Variants in CCDC81 observed in about 807,000 individuals in gnomAD.
The protein encoded by CCDC81 is coiled-coil domain containing 81.
A neutral mutation model predicts 83.7 loss-of-function variants in CCDC81; 79 were observed. That is an observed-to-expected ratio of 0.94 (90% CI 0.79 to 1.14). The LOEUF (loss-of-function observed/expected upper bound fraction) is 1.14. Ranked by LOEUF, CCDC81 falls within the 50% of genes most tolerant of loss-of-function variation. The probability of loss-of-function intolerance (pLI) is 0.00; values close to 1 mark genes in which losing one functional copy is unlikely to be tolerated. For synonymous variants in CCDC81, 252 were observed against 278.1 expected (o/e 0.91, Z 0.93); for missense variants, 791 against 778.1 (o/e 1.02, Z -0.20).
At chr11:86,416,798 A>T (rs1048480582) in intron 13 of CCDC81, among the ~76,000 whole-genome samples, 1 of 152,166 alleles carries the variant, frequency 6.6e-6, no homozygotes, top group Non-Finnish European at 1.5e-5. Flanking sequence ...ATGTGATCTC[A>T]GATTGTCTTG....
chr11:86,416,238 C>G (rs960457716), intron 13 of CCDC81, among the ~76,000 whole-genome samples: 1 of 152,192 alleles, frequency 6.6e-6, no homozygotes, highest in Non-Finnish European at 1.5e-5. Context: ...AAAGCCTAAA[C>G]ATGCCTGAAA....
At position 86,412,385 on chromosome 11, in the gene CCDC81, A is replaced by G. The variant is rs772946585; in HGVS notation, c.1219-2A>G. 2.5e-6 allele frequency: 4 copies of G among 1,580,236 alleles called. No individual in the cohort carries two copies. In the African/African-American group the frequency reaches 4.1e-5, roughly 16 times the overall value. On this transcript the variant is annotated splice_acceptor_variant, in intron 10 of 14. Transcript: ENST00000445632. LOFTEE classifies it high-confidence loss of function. ...AAATGAATTGCTTCTCTTTCATTCT[A>G]GAAATCCTTCCTATTTGACAAACGG...
intron 11 of CCDC81, among the ~76,000 whole-genome samples, chr11:86,413,567 G>A (rs143840549): frequency 2.0e-5 from 3 of 152,042 alleles, no homozygotes; most frequent in African/African-American, 7.2e-5. Context: ...TTACAAAAAT[G>A]AAAAAGCTGT....
At chr11:86,411,402 C>G (rs544223219) in intron 10 of CCDC81, among the ~76,000 whole-genome samples, 164 of 152,312 alleles carry the variant, frequency 1.1e-3, no homozygotes, top group Non-Finnish European at 1.8e-3. Flanking sequence ...CTTTTCCCAC[C>G]CAGCCACTTG....
chr11:86,396,784 T>C (rs1948415296), intron 5 of CCDC81, among the ~76,000 whole-genome samples: 2 of 152,212 alleles, frequency 1.3e-5, no homozygotes, highest in African/African-American at 4.8e-5. Flanking sequence ...CCTTACTCAC[T>C]AAAAATAAAT....
chr11:86,377,880 G>C (rs1222826809), intron 1 of CCDC81, among the ~76,000 whole-genome samples: 1 of 150,590 alleles, frequency 6.6e-6, no homozygotes, highest in Non-Finnish European at 1.5e-5. Context: ...TTATCTTCTA[G>C]GAGTTCTGTG....
chr11:86,409,274 C>T lies in CCDC81; in HGVS notation c.1127C>T (p.Ala376Val), dbSNP rs147038515. The T allele has an allele frequency of 6.2e-6, 9 of 1,454,074 alleles. No individual in the cohort carries two copies. The African/African-American group carries it at 1.3e-4, about 21-fold the overall frequency. The allele number at this position is 1,454,074 out of a possible 1,614,324, so 90.1% of individuals were successfully genotyped here. A position where few individuals can be genotyped will look rare whatever the true frequency, so the allele number is the denominator to read the frequency against. Reference sequence around the variant, plus strand: ...TTTAAACAATAGATGAAAAGTCTGGCTACTAGAGAACAGAATCAGAAAAAT... The same window carrying T: ...TTTAAACAATAGATGAAAAGTCTGGTTACTAGAGAACAGAATCAGAAAAAT... ...ALFRHQMKSLATREQNQKNAA... is the reference protein window; with the variant it reads ...ALFRHQMKSLVTREQNQKNAA... Residue 376 changes from alanine to valine, a missense_variant, in exon 10 of 15, where the codon GCT becomes GTT. Coordinates refer to ENST00000445632, the MANE Select transcript of CCDC81 (RefSeq NM_001156474.2).
chr11:86,376,506 G>C (rs1261575452), intron 1 of CCDC81, among the ~76,000 whole-genome samples: 1 of 152,084 alleles, frequency 6.6e-6, no homozygotes, highest in Non-Finnish European at 1.5e-5. Flanking sequence ...AGAAGCCCGG[G>C]GGACCAGGGG....
In CCDC81 at chr11:86,403,652, A is replaced by G. The variant is rs569201886; in HGVS notation, c.881+2851A>G. On this transcript the variant is annotated intron_variant, in intron 7 of 14. Coordinates refer to ENST00000445632, the MANE Select transcript of CCDC81 (RefSeq NM_001156474.2). ...CCCTAAGGCCTCAGAGGGCCTTAAG[A>G]GCATATCAAAGGCTGAGAGTGAGGT... is the stretch of plus-strand genomic sequence containing the variant. 1.6e-4 allele frequency among the ~76,000 whole-genome samples: 25 copies of G among 152,308 alleles called. 1 individual carries two copies. The highest frequency in any genetic ancestry group is 6.0e-4 in the African/African-American group (25 of 41,550).
chr11:86,412,341 T>C, intron 10 of CCDC81, 46 bp from the exon 11 acceptor site: 1 of 1,400,670 alleles, frequency 7.1e-7, no homozygotes, highest in East Asian at 2.3e-5. Flanking sequence ...ATTAACCTTG[T>C]TTTTCAGTAC....
intron 6 of CCDC81, among the ~76,000 whole-genome samples, chr11:86,399,766 A>C (rs963301168): frequency 3.3e-5 from 5 of 151,572 alleles, no homozygotes; most frequent in Admixed American, 2.6e-4. Flanking sequence ...CACTTTCTCC[A>C]TGAAAACTTA....
intron 10 of CCDC81, among the ~76,000 whole-genome samples, chr11:86,410,381 A>G (rs1482140710): frequency 1.3e-5 from 2 of 152,158 alleles, no homozygotes; most frequent in Admixed American, 1.3e-4. Context: ...AGAGACAGAC[A>G]CTTAAAGAGA....
intron 8 of CCDC81, 94 bp from the exon 9 acceptor site, chr11:86,408,033 T>G: frequency 1.6e-6 from 2 of 1,251,792 alleles, no homozygotes; most frequent in African/African-American, 1.5e-5. Flanking sequence ...ATAGGTTTCT[T>G]GATATACCTA....
chr11:86,383,999 T>C (rs1330765707), intron 1 of CCDC81, among the ~76,000 whole-genome samples: 1 of 152,228 alleles, frequency 6.6e-6, no homozygotes, highest in Non-Finnish European at 1.5e-5. Flanking sequence ...AAATTTTCAA[T>C]TAAACTCAGC....
chr11:86,420,177 T>G, intron 14 of CCDC81, 124 bp downstream of exon 14: 1 of 1,114,746 alleles, frequency 9.0e-7, no homozygotes. Context: ...CAAGTCTGTA[T>G]TCCATGGGAA....
chr11:86,393,156 G>A (rs956889918), intron 4 of CCDC81, among the ~76,000 whole-genome samples: 5 of 152,134 alleles, frequency 3.3e-5, no homozygotes, highest in East Asian at 1.9e-4. Flanking sequence ...TCCACATGCC[G>A]GGTTTGAGTG....
At chr11:86,410,194 C>T (rs1273092733) in intron 10 of CCDC81, among the ~76,000 whole-genome samples, 1 of 152,202 alleles carries the variant, frequency 6.6e-6, no homozygotes, top group Non-Finnish European at 1.5e-5. Flanking sequence ...ACCTTTATTT[C>T]TGCCTGAATC....
At chr11:86,396,685 C>T (rs1055780908) in intron 5 of CCDC81, among the ~76,000 whole-genome samples, 13 of 152,238 alleles carry the variant, frequency 8.5e-5, no homozygotes, top group Admixed American at 5.2e-4. Context: ...ATCTTGCACA[C>T]GAAATGGCCA....
At chr11:86,406,469 T>A (rs1324130480) in intron 7 of CCDC81, among the ~76,000 whole-genome samples, 3 of 152,222 alleles carry the variant, frequency 2.0e-5, no homozygotes, top group African/African-American at 7.2e-5. Flanking sequence ...ATTAAATGCA[T>A]GTTTGAGCTT....
Sources: gnomAD v4.1 joint callset for allele counts (sites outside exome capture counted in the v4.1 genomes callset) on GRCh38, gnomAD v4.1.1 for gene constraint, MANE v1.5 for transcripts, NCBI Gene and HGNC (gene_info 2026-07-23, HGNC 2026-07-21) for gene names.